Variants in HK1 observed in about 807,000 individuals in gnomAD.
HK1 encodes hexokinase 1, also known as hexokinase-1.
In HK1, 28 loss-of-function variants were observed where a neutral mutation model predicts 91.6. The ratio of observed to expected loss-of-function variants is 0.31; its 90% CI spans 0.23 to 0.42. HK1 has a LOEUF of 0.42. Among genes scored for constraint, HK1 ranks in the 10% least tolerant of loss-of-function variants. The pLI is 1.00. For synonymous variants in HK1, 430 were observed against 468.1 expected (o/e 0.92, Z 1.05); for missense variants, 770 against 1,219.8 (o/e 0.63, Z 5.49).
intron 1 of HK1, among the ~76,000 whole-genome samples, chr10:69,341,143 A>T (rs191909069): frequency 7.2e-5 from 11 of 152,004 alleles, no homozygotes; most frequent in East Asian, 3.9e-4. Flanking sequence ...TCCTTTAAAA[A>T]ATATATATAC....
chr10:69,296,897 T>C (rs1244552943), intron 4 of HK1, among the ~76,000 whole-genome samples: 1 of 152,108 alleles, frequency 6.6e-6, no homozygotes, highest in Non-Finnish European at 1.5e-5. Flanking sequence ...GGAGGAAGCC[T>C]TGGGCATCCA....
At chr10:69,348,131 C>T (rs903714847) in intron 2 of HK1, among the ~76,000 whole-genome samples, 1 of 152,060 alleles carries the variant, frequency 6.6e-6, no homozygotes, top group Admixed American at 6.5e-5. Flanking sequence ...GGAATCGATA[C>T]TTCTTGGTTT....
chr10:69,394,100 A>G (rs1840032986), intron 15 of HK1, among the ~76,000 whole-genome samples: 1 of 152,236 alleles, frequency 6.6e-6, no homozygotes, highest in African/African-American at 2.4e-5. Context: ...CACATGAAAT[A>G]GGAGGAATCC....
chr10:69,379,836 A>G (rs1839296687), intron 8 of HK1, 26 bp from the exon 9 acceptor site: 1 of 1,510,326 alleles, frequency 6.6e-7, no homozygotes, highest in East Asian at 2.3e-5. Context: ...TCCTCAGTGC[A>G]TCAGTATTGG....
At position 69,369,446 on chromosome 10, in the gene HK1, G is replaced by C; in HGVS notation, c.697G>C (p.Gly233Arg). The change falls in exon 7 of 18, where the codon GGC becomes CGC. Residue 233 changes from glycine to arginine, a missense_variant. Transcript: ENST00000359426. This position sits in a 1 kb window ranked among gnomAD's most constrained non-coding sequence, Gnocchi z 4.4. ...HCEVGLIIGTGTNACYMEELR... is the reference protein window; with the variant it reads ...HCEVGLIIGTRTNACYMEELR... ...TCTGATCTTGTCCTGCCCAGGCACT[G>C]GCACCAATGCTTGCTACATGGAGGA... is the stretch of plus-strand genomic sequence containing the variant. 6.2e-7 allele frequency: 1 copy of C among 1,614,222 alleles called. No homozygotes were observed. Among genetic ancestry groups the C allele is most frequent in the Non-Finnish European group, 8.5e-7 (1 of 1,180,046 alleles).
At chr10:69,340,095 G>A (rs1848214581) in intron 1 of HK1, among the ~76,000 whole-genome samples, 1 of 152,172 alleles carries the variant, frequency 6.6e-6, no homozygotes, top group Non-Finnish European at 1.5e-5. Flanking sequence ...AGTTCCAAAG[G>A]TCTATTCAAT....
rs1056620558 is a variant in HK1, at chr10:69,330,115, C to T, written c.63+11105C>T. On this transcript the variant is annotated intron_variant, in intron 1 of 17. Coordinates refer to ENST00000359426, the MANE Select transcript of HK1 (RefSeq NM_000188.3). ...GCCTGGGGGTACTGTAAGCAGCTGT[C>T]GATTCCATCAATTGATTGACACATG... is the stretch of plus-strand genomic sequence containing the variant. Among the ~76,000 whole-genome samples, 5 of 152,082 alleles carry T rather than the reference C, an allele frequency of 3.3e-5. No individual in the cohort carries two copies. The South Asian group carries it at 6.2e-4, about 19-fold the overall frequency.
chr10:69,328,329 C>T (rs571323541), intron 1 of HK1, among the ~76,000 whole-genome samples: 46 of 152,320 alleles, frequency 3.0e-4, no homozygotes, highest in Non-Finnish European at 3.1e-4. Context: ...GCTCCAGACT[C>T]GGAGACCTCG....
chr10:69,301,070 A>G (rs1314025514), intron 5 of HK1, among the ~76,000 whole-genome samples: 1 of 151,746 alleles, frequency 6.6e-6, no homozygotes, highest in African/African-American at 2.4e-5. Context: ...GACTGGTGAA[A>G]CCCAGTCTCT....
chr10:69,320,778 C>T (rs1420671648), intron 1 of HK1, among the ~76,000 whole-genome samples: 2 of 152,172 alleles, frequency 1.3e-5, no homozygotes, highest in African/African-American at 2.4e-5. Context: ...TGCCGGTGGC[C>T]TCCAGCAGCT....
At chr10:69,390,566 AAG>A (rs1839851989) in intron 14 of HK1, among the ~76,000 whole-genome samples, 1 of 151,008 alleles carries the variant, frequency 6.6e-6, no homozygotes, top group African/African-American at 2.5e-5. Flanking sequence ...TGAGAAAACA[AAG>A]AACAAAAATC....
chr10:69,354,021 A>C (rs1849010624), intron 2 of HK1, among the ~76,000 whole-genome samples: 1 of 152,296 alleles, frequency 6.6e-6, no homozygotes, highest in Non-Finnish European at 1.5e-5. Flanking sequence ...GTGGGATATG[A>C]TGCTATCTCC....
At chr10:69,366,810 C>T (rs1221199723) in intron 4 of HK1, among the ~76,000 whole-genome samples, 1 of 152,200 alleles carries the variant, frequency 6.6e-6, no homozygotes, top group African/African-American at 2.4e-5. Context: ...CAGTCACTCC[C>T]CCTTCCCCTT....
chr10:69,400,893 A>G lies in HK1; in HGVS notation c.2610-98A>G. On this transcript the variant is annotated intron_variant, in intron 17 of 17. Transcript: ENST00000359426. ...AAGTCGAAGAATCCTAAGTCGAATCATCACCAGTCAGGGGGCTGTCTGTGC... is the reference window on the plus strand; with the variant it reads ...AAGTCGAAGAATCCTAAGTCGAATCGTCACCAGTCAGGGGGCTGTCTGTGC... 3.9e-6 allele frequency: 5 copies of G among 1,288,914 alleles called. No individual in the cohort carries two copies. The South Asian group carries it at 6.0e-5, about 15-fold the overall frequency. The allele number at this position is 1,288,914 out of a possible 1,614,324, so 79.8% of individuals were successfully genotyped here. A position where few individuals can be genotyped will look rare whatever the true frequency, so the allele number is the denominator to read the frequency against.
Position 69,384,336 on chromosome 10 carries a change from A to G in HK1, c.1574A>G (p.Asn525Ser), listed in dbSNP as rs1277446297. 12 of 1,614,136 alleles carry G rather than the reference A, an allele frequency of 7.4e-6. No individual in the cohort carries two copies. The highest frequency in any genetic ancestry group is 1.3e-5 in the African/African-American group (1 of 74,954). The change falls in exon 11 of 18, where the codon AAT becomes AGT. Residue 525 changes from asparagine (N) to serine (S), a missense_variant. By Grantham distance (46) the Asn-to-Ser change is conservative. Around this residue, in one of 7 missense-constraint regions of HK1, gnomAD observed 48 missense variants for 128.2 expected, o/e 0.37. Transcript: ENST00000359426. ...FVRRTPDGTE[N>S]GDFLALDLGG... Reference sequence around the variant, plus strand: ...TTTACGCTTTTGACTGCAACAGAGAATGGTGACTTCTTGGCCCTGGATCTT... The same window carrying G: ...TTTACGCTTTTGACTGCAACAGAGAGTGGTGACTTCTTGGCCCTGGATCTT...
At chr10:69,347,628 G>C (rs1848634708) in intron 2 of HK1, among the ~76,000 whole-genome samples, 2 of 151,756 alleles carry the variant, frequency 1.3e-5, no homozygotes, top group South Asian at 4.2e-4. Flanking sequence ...TAGAGACGAG[G>C]TTTCACCATG....
intron 4 of HK1, among the ~76,000 whole-genome samples, chr10:69,365,983 A>C (rs1849680657): frequency 6.6e-6 from 1 of 151,942 alleles, no homozygotes; most frequent in African/African-American, 2.4e-5. Context: ...GGTGCCCACC[A>C]CCATGTCCGG....
upstream of HK1, chr10:69,318,807 C>G (rs991522163): frequency 6.4e-6 from 9 of 1,396,560 alleles, no homozygotes; most frequent in East Asian, 6.0e-5. Context: ...GAGCTGTCGC[C>G]GCGCCCCGGG....
chr10:69,319,105 GC>G (rs1846851062), intron 1 of HK1, 95 bp downstream of exon 1: 8 of 1,410,518 alleles, frequency 5.7e-6, no homozygotes, highest in Middle Eastern at 4.7e-4. Flanking sequence ...CCGGCGCCCG[GC>G]CTTCTCCGGG....
Sources: gnomAD v4.1 joint callset for allele counts (sites outside exome capture counted in the v4.1 genomes callset) on GRCh38, gnomAD v4.1.1 for gene constraint, gnomAD v4.1.1 regional missense constraint, Gnocchi (gnomAD v3.1) non-coding constraint, MANE v1.5 for transcripts, NCBI Gene and HGNC (gene_info 2026-07-23, HGNC 2026-07-21) for gene names.